Variants in PLAG1 observed in about 807,000 individuals in gnomAD.
The protein encoded by PLAG1 is zinc finger protein PLAG1.
A neutral mutation model predicts 35.5 loss-of-function variants in PLAG1; 7 were observed. That is an observed-to-expected ratio of 0.20 (90% CI 0.11 to 0.37). The LOEUF is 0.37. PLAG1 is among the 10% of genes least tolerant of loss of function. PLAG1 has a pLI of 1.00. For synonymous variants in PLAG1, 229 were observed against 225.4 expected (o/e 1.02, Z -0.14); for missense variants, 454 against 602.8 (o/e 0.75, Z 2.58).
chr8:56,192,820 C>T (rs986324124), intron 1 of PLAG1, among the ~76,000 whole-genome samples: 4 of 152,052 alleles, frequency 2.6e-5, no homozygotes, highest in South Asian at 2.1e-4. Flanking sequence ...CCTTACAGAG[C>T]GTGTAAAGAA....
chr8:56,169,991 C>A (rs777514154), intron 3 of PLAG1, among the ~76,000 whole-genome samples: 2 of 152,230 alleles, frequency 1.3e-5, no homozygotes, highest in Non-Finnish European at 2.9e-5. Context: ...CTGACTTTCA[C>A]GGATTCCAGT....
intron 1 of PLAG1, among the ~76,000 whole-genome samples, chr8:56,195,914 G>A (rs542148035): frequency 5.3e-5 from 8 of 152,324 alleles, no homozygotes; most frequent in African/African-American, 1.7e-4. Context: ...CCAAGTGCCT[G>A]CTGTGTGCAG....
Position 56,167,924 on chromosome 8 carries a change from G to A in PLAG1, c.242+104C>T. ...CTAATCTACTTAACATTTCCTCTTT[G>A]CAAATTAGCTGAAAAATGTGTATAC... is the stretch of plus-strand genomic sequence containing the variant. On this transcript the variant is annotated intron_variant, in intron 4 of 4. Transcript: ENST00000316981. The surrounding 1 kb of genome is among the most constrained non-coding windows in gnomAD (Gnocchi z 5.9). 3.1e-6 allele frequency: 2 copies of A among 649,886 alleles called. No homozygotes were observed. The highest frequency in any genetic ancestry group is 5.3e-6 in the Non-Finnish European group (2 of 378,398). The allele number at this position is 649,886 out of a possible 1,614,324, so 40.3% of individuals were successfully genotyped here.
intron 1 of PLAG1, among the ~76,000 whole-genome samples, chr8:56,195,211 G>A (rs1343640679): frequency 6.6e-6 from 1 of 152,106 alleles, no homozygotes; most frequent in Non-Finnish European, 1.5e-5. Flanking sequence ...ATGGAACCAG[G>A]TGTTTTGCTG....
intron 1 of PLAG1, among the ~76,000 whole-genome samples, chr8:56,194,361 C>G (rs1485281283): frequency 6.7e-6 from 1 of 149,934 alleles, no homozygotes. Flanking sequence ...TGCAGTTAGG[C>G]TATCAAGTAA....
At chr8:56,186,216 G>A (rs1392019959) in intron 1 of PLAG1, among the ~76,000 whole-genome samples, 1 of 152,084 alleles carries the variant, frequency 6.6e-6, no homozygotes, top group African/African-American at 2.4e-5. Flanking sequence ...CTTAAGTGTA[G>A]GTGCCTATAC....
At chr8:56,210,367 T>G (rs1468338887) in intron 1 of PLAG1, among the ~76,000 whole-genome samples, 3 of 152,090 alleles carry the variant, frequency 2.0e-5, no homozygotes, top group Non-Finnish European at 4.4e-5. Context: ...GTCCCTGCTC[T>G]GTGCCGATCT....
intron 3 of PLAG1, 83 bp downstream of exon 3, chr8:56,171,008 G>A (rs564299555): frequency 1.0e-5 from 2 of 200,190 alleles, no homozygotes; most frequent in Non-Finnish European, 1.8e-5. Context: ...TCTAATAAAA[G>A]ACCACATTCA....
At chr8:56,177,232 G>A (rs963820470) in intron 2 of PLAG1, among the ~76,000 whole-genome samples, 3 of 152,160 alleles carry the variant, frequency 2.0e-5, no homozygotes, top group Non-Finnish European at 4.4e-5. Context: ...AGAATTCATG[G>A]CCTGGTTCAG....
intron 1 of PLAG1, among the ~76,000 whole-genome samples, chr8:56,195,697 A>C (rs1812340565): frequency 6.6e-6 from 1 of 152,170 alleles, no homozygotes; most frequent in South Asian, 2.1e-4. Flanking sequence ...CCCTTGCCTG[A>C]GGCCACCTCA....
intron 1 of PLAG1, among the ~76,000 whole-genome samples, chr8:56,186,042 TATGGTGG>T (rs1416004758): frequency 6.6e-6 from 1 of 151,414 alleles, no homozygotes; most frequent in African/African-American, 2.4e-5. Context: ...TCACAAACTG[TATGGTGG>T]GTCTAGGTAA....
Position 56,166,023 on chromosome 8 carries a change from C to T in PLAG1, c.*220G>A, listed in dbSNP as rs1050544914. 9.5e-6 allele frequency: 3 copies of T among 316,576 alleles called. No homozygotes were observed. Among genetic ancestry groups the T allele is most frequent in the Non-Finnish European group, 1.7e-5 (3 of 172,726 alleles). 19.6% of individuals were successfully genotyped at this position (316,576 alleles called of 1,614,324 possible). A position where few individuals can be genotyped will look rare whatever the true frequency, so the allele number is the denominator to read the frequency against. ...AAAAGTCTTAAAATGTGACAATTGG[C>T]AGTGAATCAGGACAAAATACCCAGG... On this transcript the variant is annotated 3_prime_UTR_variant, in exon 5 of 5. Coordinates refer to ENST00000316981, the MANE Select transcript of PLAG1 (RefSeq NM_002655.3).
chr8:56,188,665 T>C (rs1812091112), intron 1 of PLAG1, among the ~76,000 whole-genome samples: 1 of 152,256 alleles, frequency 6.6e-6, no homozygotes, highest in Non-Finnish European at 1.5e-5. Flanking sequence ...CCTGAGTATG[T>C]ACTTTCTCAT....
chr8:56,193,358 T>C (rs1563388845), intron 1 of PLAG1, among the ~76,000 whole-genome samples: 2 of 152,162 alleles, frequency 1.3e-5, no homozygotes, highest in African/African-American at 2.4e-5. Flanking sequence ...TATTCTACAA[T>C]AAAAAGTTTT....
intron 1 of PLAG1, among the ~76,000 whole-genome samples, chr8:56,205,507 A>G (rs1812672949): frequency 6.6e-6 from 1 of 151,624 alleles, no homozygotes; most frequent in Non-Finnish European, 1.5e-5. Flanking sequence ...GATCTCCCCA[A>G]TTATCTAATT....
chr8:56,166,741 C>G lies in PLAG1; in HGVS notation c.1005G>C (p.Pro335=). 6.2e-7 allele frequency: 1 copy of G among 1,613,926 alleles called. No homozygotes were observed. The highest frequency in any genetic ancestry group is 8.5e-7 in the Non-Finnish European group (1 of 1,179,948). The change falls in exon 5 of 5, where the codon CCG becomes CCC. Residue 335 remains proline, a synonymous_variant. Coordinates refer to ENST00000316981, the MANE Select transcript of PLAG1 (RefSeq NM_002655.3). Reference sequence around the variant, plus strand: ...AAATTGCATATGAGGTAGAACTGAACGGATATTTGAAAGAAAGGTGGTGAG... The same window carrying G: ...AAATTGCATATGAGGTAGAACTGAAGGGATATTTGAAAGAAAGGTGGTGAG... ...HPSHHLSFKY[P]FSSTSYAISI... is the part of the protein sequence containing the mutation.
At chr8:56,179,197 G>A (rs767903381) in intron 2 of PLAG1, among the ~76,000 whole-genome samples, 1 of 152,066 alleles carries the variant, frequency 6.6e-6, no homozygotes, top group Non-Finnish European at 1.5e-5. Flanking sequence ...GAGGAAGACT[G>A]CTCCTTGCTA....
In PLAG1 at chr8:56,162,246, T is replaced by C. The variant is rs545852984; in HGVS notation, c.*3997A>G. ...ATTGCTAATGACGAATACTAAACAT[T>C]TAAAAGATCTCCTCCAATGTCACAT... On this transcript the variant is annotated 3_prime_UTR_variant, in exon 5 of 5. Coordinates refer to ENST00000316981, the MANE Select transcript of PLAG1 (RefSeq NM_002655.3). 2.2e-5 allele frequency: 5 copies of C among 228,822 alleles called. No individual in the cohort carries two copies. Among genetic ancestry groups the C allele is most frequent in the Non-Finnish European group, 4.4e-5 (5 of 114,908 alleles). 14.2% of individuals were successfully genotyped at this position (228,822 alleles called of 1,614,324 possible). A position where few individuals can be genotyped will look rare whatever the true frequency, so the allele number is the denominator to read the frequency against.
At chr8:56,205,111 C>T (rs1812661621) in intron 1 of PLAG1, among the ~76,000 whole-genome samples, 1 of 151,824 alleles carries the variant, frequency 6.6e-6, no homozygotes, top group Non-Finnish European at 1.5e-5. Flanking sequence ...TTAAATGTGA[C>T]TAAGTCTGTA....
Sources: gnomAD v4.1 joint callset for allele counts (sites outside exome capture counted in the v4.1 genomes callset) on GRCh38, gnomAD v4.1.1 for gene constraint, Gnocchi (gnomAD v3.1) non-coding constraint, MANE v1.5 for transcripts, NCBI Gene and HGNC (gene_info 2026-07-23, HGNC 2026-07-21) for gene names.